Variants in ATG16L1 observed in about 807,000 individuals in gnomAD.
ATG16L1 encodes autophagy-related protein 16-1.
In ATG16L1, 37 loss-of-function variants were observed where a neutral mutation model predicts 88.5. The ratio of observed to expected loss-of-function variants is 0.42; its 90% CI spans 0.32 to 0.55. ATG16L1 has a LOEUF of 0.55. ATG16L1 is among the 20% of genes least tolerant of loss of function. ATG16L1 has a pLI of 0.13. For missense variants in ATG16L1, 554 were observed against 752.8 expected (o/e 0.74, Z 3.09); for synonymous variants, 301 against 281.0 (o/e 1.07, Z -0.71).
chr2:233,288,273 AAC>A, intron 12 of ATG16L1, among the ~76,000 whole-genome samples: 1 of 152,266 alleles, frequency 6.6e-6, no homozygotes, highest in African/African-American at 2.4e-5. Context: ...CAAAAATGTT[AAC>A]ACAAAAAAAA....
chr2:233,285,281 C>G (rs1699001802), intron 12 of ATG16L1, among the ~76,000 whole-genome samples: 1 of 152,162 alleles, frequency 6.6e-6, no homozygotes, highest in South Asian at 2.1e-4. Context: ...ATGATAGTCC[C>G]TTAGAGGAGA....
chr2:233,265,105 A>G lies in ATG16L1; in HGVS notation c.603A>G (p.Glu201=), dbSNP rs377277171. ...GATGGATGGCTGAGAAAGCCCAGGA[A>G]GCCAATCGGCTTAATGCAGAGAATG... ...VTRWMAEKAQ[E]ANRLNAENEK... Residue 201 remains glutamate, a synonymous_variant, in exon 5 of 18, where the codon GAA becomes GAG. Transcript: ENST00000392017. 1.4e-5 allele frequency: 23 copies of G among 1,614,112 alleles called. No homozygotes were observed. In the African/African-American group the frequency reaches 2.8e-4, roughly 20 times the overall value.
chr2:233,289,377 ATGTGTGTGTGTG>A (rs56993445), intron 12 of ATG16L1, among the ~76,000 whole-genome samples: 10 of 129,130 alleles, frequency 7.7e-5, no homozygotes, highest in East Asian at 4.5e-4. Flanking sequence ...CCTGTTTGGG[ATGTGTGTGTGTG>A]TGTGTGTGTG....
intron 5 of ATG16L1, among the ~76,000 whole-genome samples, 198 bp from the exon 6 acceptor site, chr2:233,269,804 A>T (rs1467095574): frequency 2.6e-5 from 4 of 152,044 alleles, no homozygotes; most frequent in African/African-American, 9.7e-5. Context: ...TCTAGGCTTT[A>T]CTCTGAAACC....
intron 12 of ATG16L1, among the ~76,000 whole-genome samples, chr2:233,284,726 T>A (rs1175706082): frequency 1.3e-5 from 2 of 152,190 alleles, no homozygotes; most frequent in Admixed American, 6.5e-5. Context: ...TGCCTCGGCC[T>A]CCCAAAGTGC....
At chr2:233,275,395 A>G (rs2125253661) in intron 9 of ATG16L1, 2 of 277,450 alleles carry the variant, frequency 7.2e-6, no homozygotes, top group South Asian at 7.6e-5. Context: ...TGAGGAGGGT[A>G]GGAAACAGAG....
chr2:233,275,771 G>A (rs3792109), intron 9 of ATG16L1: 239,751 of 518,942 alleles, frequency 0.46, 59,027 homozygotes, highest in Non-Finnish European at 0.53. Context: ...TGAATGTCAC[G>A]GTCCCTTTGT....
Position 233,282,681 on chromosome 2 carries a change from G to T in ATG16L1, c.1132-1G>T. 6.2e-7 allele frequency: 1 copy of T among 1,613,934 alleles called. No homozygotes were observed. The highest frequency in any genetic ancestry group is 1.1e-5 in the South Asian group (1 of 91,062). On this transcript the variant is annotated splice_acceptor_variant, in intron 11 of 17. Coordinates refer to ENST00000392017, the MANE Select transcript of ATG16L1 (RefSeq NM_030803.7). LOFTEE classifies it high-confidence loss of function. ...GGTTTTCCTCTTCTTTATTCCCACA[G>T]GGATCTTACCTCTTAGCAGCTTCAA...
chr2:233,258,885 G>A (rs1696999028), intron 2 of ATG16L1, among the ~76,000 whole-genome samples: 2 of 152,052 alleles, frequency 1.3e-5, no homozygotes, highest in African/African-American at 2.4e-5. Flanking sequence ...TTTTTGTAGA[G>A]ATAGGGGTCT....
rs1559419066 is a variant in ATG16L1 at position 233,294,354 on chromosome 2, G to T, written c.*4G>T. ...TGTGCTGTGGGCACAGTACTGACGG[G>T]GCTCTCAGGGCTGGGAGGACCCCAG... On this transcript the variant is annotated 3_prime_UTR_variant, in exon 18 of 18. Coordinates refer to ENST00000392017, the MANE Select transcript of ATG16L1 (RefSeq NM_030803.7). 6.2e-7 allele frequency: 1 copy of T among 1,612,644 alleles called. No homozygotes were observed. The highest frequency in any genetic ancestry group is 1.1e-5 in the South Asian group (1 of 91,004).
At chr2:233,279,864 C>G (rs999482418) in intron 10 of ATG16L1, among the ~76,000 whole-genome samples, 19 of 152,142 alleles carry the variant, frequency 1.2e-4, no homozygotes, top group Non-Finnish European at 2.2e-4. Flanking sequence ...TCACTTCCTA[C>G]ATTTCGGCAC....
At chr2:233,258,118 G>T (rs73998323) in intron 2 of ATG16L1, among the ~76,000 whole-genome samples, 2,847 of 151,886 alleles carry the variant, frequency 0.019, 94 homozygotes, top group African/African-American at 0.065. Flanking sequence ...GGGTATTTGT[G>T]TTTACTGGGT....
At chr2:233,265,809 CTATT>C (rs1697528914) in intron 5 of ATG16L1, 2 of 152,162 alleles carry the variant, frequency 1.3e-5, no homozygotes, top group Admixed American at 6.5e-5. Context: ...CCTGCTAAGT[CTATT>C]TATTTAAGAT....
In ATG16L1 at chr2:233,274,791, C is replaced by T. The variant is rs765203448; in HGVS notation, c.954+13C>T. ...CTTGTGTGTCTTCGTAAGTATGCTT[C>T]AGCCCCGAACCCTACCACGCTTGAT... is the stretch of plus-strand genomic sequence containing the variant. On this transcript the variant is annotated intron_variant, in intron 9 of 17. Coordinates refer to ENST00000392017, the MANE Select transcript of ATG16L1 (RefSeq NM_030803.7). 2.5e-6 allele frequency: 4 copies of T among 1,589,346 alleles called. No individual in the cohort carries two copies. Among genetic ancestry groups the T allele is most frequent in the Non-Finnish European group, 3.5e-6 (4 of 1,158,004 alleles).
At chr2:233,288,772 CTGCGA>C in intron 12 of ATG16L1, 1 of 519,206 alleles carries the variant, frequency 1.9e-6, no homozygotes, top group South Asian at 1.4e-5. Flanking sequence ...TTCAGAAGTG[CTGCGA>C]TGGGCAGAAG....
intron 12 of ATG16L1, among the ~76,000 whole-genome samples, chr2:233,283,321 G>A (rs1006396259): frequency 1.3e-5 from 2 of 152,070 alleles, no homozygotes; most frequent in Admixed American, 6.6e-5. Flanking sequence ...GCAGGGGGCG[G>A]AGGGCGAAGC....
In ATG16L1 at chr2:233,292,265, A is replaced by G; in HGVS notation, c.1568A>G (p.Lys523Arg). ...KVIDLRTNAI[K>R]QTFSAPGFKC... The stretch of plus-strand genomic sequence containing the variant: ...ATTGATCTCCGAACAAATGCTATCA[A>G]GCAGACATTCAGGTAACTGAAGATG... The change falls in exon 15 of 18, where the codon AAG (lysine) becomes AGG (arginine). Residue 523 changes from lysine to arginine, a missense_variant. Coordinates refer to ENST00000392017, the MANE Select transcript of ATG16L1 (RefSeq NM_030803.7). 2 of 1,614,256 alleles carry G rather than the reference A, an allele frequency of 1.2e-6. No individual in the cohort carries two copies. Among genetic ancestry groups the G allele is most frequent in the Non-Finnish European group, 8.5e-7 (1 of 1,180,044 alleles).
intron 11 of ATG16L1, 114 bp from the exon 12 acceptor site, chr2:233,282,568 A>G (rs909210981): frequency 4.2e-5 from 38 of 900,386 alleles, no homozygotes; most frequent in South Asian, 2.7e-4. Context: ...GGCTGGTTGT[A>G]TAGGGTGAAG....
chr2:233,269,900 C>A, intron 5 of ATG16L1, 102 bp from the exon 6 acceptor site: 2 of 1,134,620 alleles, frequency 1.8e-6, no homozygotes, highest in Non-Finnish European at 2.5e-6. Flanking sequence ...ATTTTACATG[C>A]ACTGAATGTG....
Sources: gnomAD v4.1 joint callset for allele counts (sites outside exome capture counted in the v4.1 genomes callset) on GRCh38, gnomAD v4.1.1 for gene constraint, MANE v1.5 for transcripts, NCBI Gene and HGNC (gene_info 2026-07-23, HGNC 2026-07-21) for gene names.